The following MSH3 variants were observed in gnomAD, a reference collection of about 807,000 sequenced individuals.
The protein encoded by MSH3 is DNA mismatch repair protein Msh3.
Under a neutral mutation model 123.3 loss-of-function variants are expected in MSH3, and 106 were observed. The observed-to-expected ratio is 0.86, with a 90% CI of 0.73 to 1.01. The LOEUF (loss-of-function observed/expected upper bound fraction) is 1.01. Among genes scored for constraint, MSH3 ranks in the 50% least tolerant of loss-of-function variants. The probability of loss-of-function intolerance (pLI) is 0.00; values close to 1 mark genes in which losing one functional copy is unlikely to be tolerated. For missense variants in MSH3, 1,459 were observed against 1,347.6 expected (o/e 1.08, Z -1.29); for synonymous variants, 515 against 481.4 (o/e 1.07, Z -0.91).
chr5:80,733,314 T>C (rs1743445465), intron 10 of MSH3, among the ~76,000 whole-genome samples: 1 of 152,160 alleles, frequency 6.6e-6, no homozygotes, highest in Admixed American at 6.5e-5. Context: ...CATGTCATAT[T>C]TGAGTTTGGA....
chr5:80,861,460 G>T (rs1219551900), intron 21 of MSH3, among the ~76,000 whole-genome samples: 1 of 152,094 alleles, frequency 6.6e-6, no homozygotes, highest in African/African-American at 2.4e-5. Context: ...CCCCCAGGTA[G>T]GTGAGGCTTT....
intron 20 of MSH3, among the ~76,000 whole-genome samples, chr5:80,845,672 C>G (rs1254284255): frequency 6.6e-6 from 1 of 152,106 alleles, no homozygotes; most frequent in Non-Finnish European, 1.5e-5. Flanking sequence ...CGCTGATATC[C>G]TTTCTTCCAC....
At chr5:80,748,691 TACACAC>T (rs36206914) in intron 12 of MSH3, among the ~76,000 whole-genome samples, 11,722 of 147,348 alleles carry the variant, frequency 0.08, 637 homozygotes, top group African/African-American at 0.15. Flanking sequence ...ATTTTTTATT[TACACAC>T]ACACACACAC....
chr5:80,671,485 A>T (rs1324073450), intron 4 of MSH3, among the ~76,000 whole-genome samples: 1 of 152,218 alleles, frequency 6.6e-6, no homozygotes, highest in Admixed American at 6.5e-5. Context: ...TAATGTCACC[A>T]TGTTTTCTGA....
At chr5:80,711,118 C>T (rs1341841850) in intron 8 of MSH3, among the ~76,000 whole-genome samples, 2 of 152,314 alleles carry the variant, frequency 1.3e-5, no homozygotes, top group Admixed American at 6.5e-5. Flanking sequence ...TAGAACAACA[C>T]GAGTTTACCT....
chr5:80,690,171 A>G (rs1750195606), intron 8 of MSH3, among the ~76,000 whole-genome samples: 1 of 151,958 alleles, frequency 6.6e-6, no homozygotes, highest in Non-Finnish European at 1.5e-5. Flanking sequence ...CTCTCACCTC[A>G]GCCTTGCGAG....
At chr5:80,666,423 C>A (rs750475723) in intron 3 of MSH3, among the ~76,000 whole-genome samples, 59 of 152,258 alleles carry the variant, frequency 3.9e-4, no homozygotes, top group Admixed American at 3.9e-4. Context: ...TCCATGAACT[C>A]CTCCCTCAGC....
chr5:80,681,888 T>C (rs952956421), intron 8 of MSH3, among the ~76,000 whole-genome samples: 1 of 152,230 alleles, frequency 6.6e-6, no homozygotes, highest in Non-Finnish European at 1.5e-5. Flanking sequence ...GAATTTGGCA[T>C]ATCAAAGATA....
intron 9 of MSH3, among the ~76,000 whole-genome samples, chr5:80,728,488 T>TC (rs1432304891): frequency 3.3e-5 from 5 of 152,236 alleles, no homozygotes; most frequent in Admixed American, 1.3e-4. Flanking sequence ...TTTTTAATAC[T>TC]CCAAAAGATG....
intron 20 of MSH3, among the ~76,000 whole-genome samples, chr5:80,845,047 C>G (rs1295983907): frequency 6.6e-6 from 1 of 152,062 alleles, no homozygotes; most frequent in Non-Finnish European, 1.5e-5. Flanking sequence ...ACTGATTGTT[C>G]CTTTCCATGT....
intron 1 of MSH3, chr5:80,655,314 T>C (rs408626): frequency 0.47 from 114,766 of 244,428 alleles, 27,625 homozygotes; most frequent in East Asian, 0.65. Context: ...GTCGAAGAGT[T>C]TTACTGATTT....
chr5:80,766,339 C>CTTTTTTT (rs1166492002), intron 13 of MSH3, among the ~76,000 whole-genome samples: 52 of 78,208 alleles, frequency 6.6e-4, no homozygotes, highest in African/African-American at 1.1e-3. Flanking sequence ...TGTTTTTTTC[C>CTTTTTTT]TTTTTTTTTT....
chr5:80,728,851 G>A lies in MSH3; in HGVS notation c.1454G>A (p.Gly485Asp), dbSNP rs1743352233. The A allele has an allele frequency of 6.5e-7, 1 of 1,535,222 alleles. No homozygotes were observed. Among genetic ancestry groups the A allele is most frequent in the Non-Finnish European group, 9.0e-7 (1 of 1,109,614 alleles). The change falls in exon 10 of 24, where the codon GGT becomes GAT. Residue 485 changes from glycine to aspartate, a missense_variant and splice_region_variant. Gly to Asp is a moderately conservative substitution (Grantham distance 94). Transcript: ENST00000265081. The part of the protein sequence containing the change: ...FYAKDTVDIK[G>D]SQIISGIVNL... ...CAAGTTAATATATTCTGTTTTCTAG[G>A]TTCTCAAATTATTTCTGGCATTGTT...
At chr5:80,875,695 G>A (rs1371500444) in intron 23 of MSH3, 56 bp from the exon 24 acceptor site, 21 of 1,007,140 alleles carry the variant, frequency 2.1e-5, no homozygotes, top group Admixed American at 8.9e-5. Context: ...CTGATGAGAC[G>A]TATTGTCTCC....
intron 13 of MSH3, among the ~76,000 whole-genome samples, chr5:80,766,184 T>C: frequency 6.6e-6 from 1 of 152,144 alleles, no homozygotes. Context: ...CACAAGTCTT[T>C]TTGGATTCTT....
At chr5:80,803,751 T>C (rs565441827) in intron 19 of MSH3, among the ~76,000 whole-genome samples, 2 of 152,260 alleles carry the variant, frequency 1.3e-5, no homozygotes, top group South Asian at 4.1e-4. Flanking sequence ...TTTGATTTTT[T>C]TACAAGGTGA....
At chr5:80,705,264 G>C (rs200906073) in intron 8 of MSH3, among the ~76,000 whole-genome samples, 1 of 152,128 alleles carries the variant, frequency 6.6e-6, no homozygotes, top group East Asian at 1.9e-4. Flanking sequence ...ACAATTTCCA[G>C]TTGAGGTTCT....
intron 10 of MSH3, among the ~76,000 whole-genome samples, chr5:80,736,698 G>A (rs763086994): frequency 6.6e-6 from 1 of 152,138 alleles, no homozygotes; most frequent in African/African-American, 2.4e-5. Context: ...TAGGGAGATG[G>A]TGCCTATGGG....
intron 8 of MSH3, among the ~76,000 whole-genome samples, chr5:80,684,845 C>T: frequency 6.6e-6 from 1 of 151,958 alleles, no homozygotes; most frequent in Middle Eastern, 3.2e-3. Context: ...CTTCTATACC[C>T]AGTTGTTTGA....
Sources: allele counts gnomAD v4.1 joint callset (sites outside exome capture counted in the v4.1 genomes callset), GRCh38; gene constraint gnomAD v4.1.1; transcripts MANE v1.5; gene names NCBI Gene and HGNC (gene_info 2026-07-23, HGNC 2026-07-21).